LINGO2: variants seen among roughly 807,000 people sequenced by gnomAD.
LINGO2 encodes the protein leucine-rich repeat and immunoglobulin-like domain-containing nogo receptor-interacting protein 2.
LINGO2 carries 14 observed loss-of-function variants against 30.6 expected under a neutral mutation model. That is an observed-to-expected ratio of 0.46 (90% CI 0.30 to 0.72). LINGO2 has a LOEUF of 0.72. LINGO2 is among the 30% of genes least tolerant of loss of function. LINGO2 has a pLI of 0.07. For synonymous variants in LINGO2, 317 were observed against 288.5 expected, an observed-to-expected ratio of 1.10 and a Z score of -1.00; for missense variants, 729 against 751.7, an observed-to-expected ratio of 0.97 and a Z score of 0.35.
the LINGO2 span, among the ~76,000 whole-genome samples, chr9:29,129,248 A>G: frequency 2.6e-5 from 4 of 152,134 alleles, no homozygotes; most frequent in African/African-American, 9.7e-5. Flanking sequence ...GGCTATTTAA[A>G]AAAATTGTTA....
chr9:28,761,779 AC>A, the LINGO2 span, among the ~76,000 whole-genome samples: 6 of 152,000 alleles, frequency 3.9e-5, no homozygotes, highest in African/African-American at 9.7e-5. Context: ...ACAAATGGTC[AC>A]CCCAATTACT....
the LINGO2 span, among the ~76,000 whole-genome samples, chr9:28,954,149 T>A: frequency 6.6e-6 from 1 of 152,196 alleles, no homozygotes; most frequent in African/African-American, 2.4e-5. Flanking sequence ...ATAGTTGCTT[T>A]CCTTGAAGTT....
the LINGO2 span, among the ~76,000 whole-genome samples, chr9:28,679,202 T>C: frequency 6.6e-6 from 1 of 151,972 alleles, no homozygotes; most frequent in Non-Finnish European, 1.5e-5. Context: ...CTTTGATGAC[T>C]TTCAGAAAAA....
chr9:28,752,209 G>A, the LINGO2 span, among the ~76,000 whole-genome samples: 6 of 151,932 alleles, frequency 3.9e-5, no homozygotes, highest in African/African-American at 1.5e-4. Flanking sequence ...GGTGGCATCA[G>A]GAGGTAGTAA....
intron 2 of LINGO2, among the ~76,000 whole-genome samples, chr9:28,469,705 G>C (rs1036587322): frequency 5.9e-5 from 9 of 152,032 alleles, no homozygotes; most frequent in African/African-American, 2.2e-4. Flanking sequence ...TGTCAATCTA[G>C]AATCTTATAT....
At chr9:28,293,220 C>T (rs1295623700) in intron 4 of LINGO2, among the ~76,000 whole-genome samples, 1 of 152,096 alleles carries the variant, frequency 6.6e-6, no homozygotes, top group African/African-American at 2.4e-5. Flanking sequence ...ACCTCAGCCT[C>T]CTAAGTAGCT....
chr9:28,978,817 T>A, the LINGO2 span, among the ~76,000 whole-genome samples: 1 of 141,478 alleles, frequency 7.1e-6, no homozygotes, highest in African/African-American at 2.6e-5. Context: ...GGAAAAAAAA[T>A]ATTTCCAACA....
At position 27,950,530 on chromosome 9, in the gene LINGO2, A is replaced by G. The variant is rs750724940; in HGVS notation, c.142T>C (p.Leu48=). Residue 48 remains leucine (L), a synonymous_variant, in exon 6 of 6, where the codon TTG becomes CTG. Coordinates refer to ENST00000379992, the Ensembl canonical transcript of LINGO2. ...GGAATGCCCTCTGGGATGGCGATCA[A>G]TCGCCTTCTGTGACAGCTAACAGAT... 9 of 1,573,182 alleles carry G rather than the reference A, an allele frequency of 5.7e-6. No homozygotes were observed. In the South Asian group the frequency reaches 7.2e-5, roughly 13 times the overall value.
intron 4 of LINGO2, among the ~76,000 whole-genome samples, chr9:28,032,484 A>C (rs1274875293): frequency 1.3e-5 from 2 of 152,242 alleles, no homozygotes; most frequent in African/African-American, 4.8e-5. Context: ...TCAATGGTGA[A>C]TCTAGTTACA....
chr9:28,169,203 A>T (rs1340515578), intron 4 of LINGO2, among the ~76,000 whole-genome samples: 2 of 152,232 alleles, frequency 1.3e-5, no homozygotes, highest in East Asian at 3.9e-4. Flanking sequence ...TCACTCTCCC[A>T]CATAGTTGAG....
At chr9:28,356,290 A>G (rs1178804867) in intron 3 of LINGO2, among the ~76,000 whole-genome samples, 1 of 152,112 alleles carries the variant, frequency 6.6e-6, no homozygotes, top group Non-Finnish European at 1.5e-5. Context: ...ATATTTCTCA[A>G]TCATTTCTCC....
the LINGO2 span, among the ~76,000 whole-genome samples, chr9:28,737,817 T>C: frequency 2.0e-4 from 31 of 152,030 alleles, no homozygotes; most frequent in Admixed American, 1.6e-3. Context: ...AGTTATAAAA[T>C]ACAAACACAC....
chr9:29,023,068 T>G, the LINGO2 span, among the ~76,000 whole-genome samples: 1 of 151,996 alleles, frequency 6.6e-6, no homozygotes. Flanking sequence ...TTCAAACATA[T>G]ACTTGTTGGC....
chr9:29,124,685 G>A, the LINGO2 span, among the ~76,000 whole-genome samples: 150 of 152,232 alleles, frequency 9.9e-4, no homozygotes, highest in African/African-American at 3.2e-3. Flanking sequence ...GGTCATTAGC[G>A]AAATGCAAAT....
At chr9:28,995,787 G>A in the LINGO2 span, among the ~76,000 whole-genome samples, 124 of 151,814 alleles carry the variant, frequency 8.2e-4, 1 homozygote, top group Non-Finnish European at 1.3e-3. Flanking sequence ...ACCAAACACC[G>A]CATGTTCTCA....
the LINGO2 span, among the ~76,000 whole-genome samples, chr9:28,696,041 G>T: frequency 6.6e-6 from 1 of 151,674 alleles, no homozygotes; most frequent in African/African-American, 2.4e-5. Flanking sequence ...TTTCCCCTCA[G>T]TTGTGAACCT....
At chr9:28,137,363 G>T (rs1349638) in intron 4 of LINGO2, among the ~76,000 whole-genome samples, 6,304 of 152,042 alleles carry the variant, frequency 0.041, 419 homozygotes, top group African/African-American at 0.14. Flanking sequence ...ACTTAATTCT[G>T]TGCAGCAAGA....
intron 2 of LINGO2, among the ~76,000 whole-genome samples, chr9:28,420,802 T>C (rs1220263694): frequency 6.6e-6 from 1 of 152,116 alleles, no homozygotes; most frequent in Non-Finnish European, 1.5e-5. Context: ...CCCTGTATCA[T>C]AACATTTATG....
At chr9:28,026,447 A>G (rs1324781080) in intron 4 of LINGO2, among the ~76,000 whole-genome samples, 3 of 152,204 alleles carry the variant, frequency 2.0e-5, no homozygotes, top group African/African-American at 7.2e-5. Flanking sequence ...TCTTCTGCAT[A>G]AAGCTGGGAC....
Sources: allele counts gnomAD v4.1 joint callset (sites outside exome capture counted in the v4.1 genomes callset), GRCh38; gene constraint gnomAD v4.1.1; transcripts MANE v1.5; gene names NCBI Gene and HGNC (gene_info 2026-07-23, HGNC 2026-07-21).